The following SLC8A1 variants were observed in gnomAD, a reference collection of about 807,000 sequenced individuals.
SLC8A1 encodes solute carrier family 8 member A1.
SLC8A1 carries 18 observed loss-of-function variants against 68.3 expected under a neutral mutation model. The ratio of observed to expected loss-of-function variants is 0.26; its 90% confidence interval spans 0.18 to 0.39. SLC8A1 has a LOEUF of 0.39. Ranked by LOEUF, SLC8A1 falls within the 10% of genes least tolerant of loss-of-function variation. SLC8A1 has a pLI of 1.00. For synonymous variants in SLC8A1, 475 were observed against 415.5 expected, an observed-to-expected ratio of 1.14 and a Z score of -1.74; for missense variants, 985 against 1,156.7, an observed-to-expected ratio of 0.85 and a Z score of 2.15.
intron 7 of SLC8A1, among the ~76,000 whole-genome samples, chr2:40,128,852 C>G (rs1407747657): frequency 1.3e-4 from 20 of 152,086 alleles, no homozygotes; most frequent in Admixed American, 1.3e-3. Context: ...TTACAGAATC[C>G]ATGGTAAATT....
chr2:40,335,351 A>G (rs1249314444), intron 2 of SLC8A1, among the ~76,000 whole-genome samples: 1 of 152,236 alleles, frequency 6.6e-6, no homozygotes, highest in African/African-American at 2.4e-5. Flanking sequence ...AGAAACATCT[A>G]CCATATATTG....
chr2:40,415,545 T>C (rs978247739), intron 2 of SLC8A1, among the ~76,000 whole-genome samples: 1 of 152,154 alleles, frequency 6.6e-6, no homozygotes, highest in East Asian at 1.9e-4. Flanking sequence ...CCCCTATCTG[T>C]CTCCATTCCA....
intron 2 of SLC8A1, chr2:40,210,053 A>C (rs1318811798): frequency 6.6e-6 from 1 of 152,182 alleles, no homozygotes; most frequent in Non-Finnish European, 1.5e-5. Flanking sequence ...GCTAGTTCTA[A>C]TCTAATCTAA....
chr2:40,420,583 G>A (rs1031152542), intron 2 of SLC8A1, among the ~76,000 whole-genome samples: 9 of 152,286 alleles, frequency 5.9e-5, no homozygotes, highest in Admixed American at 4.6e-4. Flanking sequence ...TCAGCTACAC[G>A]GAGGGACTAA....
At chr2:40,176,031 G>A (rs143485063) in intron 3 of SLC8A1, 18 of 438,620 alleles carry the variant, frequency 4.1e-5, no homozygotes, top group African/African-American at 2.0e-5. Context: ...CATTGGGTTG[G>A]GGGGAGGGGG....
intron 7 of SLC8A1, among the ~76,000 whole-genome samples, chr2:40,127,115 G>T (rs1445662151): frequency 1.3e-5 from 2 of 152,160 alleles, no homozygotes; most frequent in African/African-American, 4.8e-5. Flanking sequence ...CAGAGACTCA[G>T]TTTGGGCTTC....
chr2:40,453,119 G>A (rs898327730), upstream of SLC8A1: 6 of 152,138 alleles, frequency 3.9e-5, no homozygotes, highest in South Asian at 4.1e-4. Context: ...GACCTACTGT[G>A]GAGTTCACTA....
chr2:40,413,344 A>C (rs1311426064), intron 2 of SLC8A1, among the ~76,000 whole-genome samples: 1 of 152,178 alleles, frequency 6.6e-6, no homozygotes, highest in African/African-American at 2.4e-5. Flanking sequence ...AAAGACTTGG[A>C]ACTAACCCAA....
exon 6 of SLC8A1, chr2:40,160,814 C>T (rs780327367): frequency 6.2e-7 from 1 of 1,613,278 alleles, no homozygotes; most frequent in Admixed American, 1.7e-5. Flanking sequence ...AGCTGTTAGT[C>T]CCAACCACAA....
chr2:40,345,404 T>C (rs555434847), intron 2 of SLC8A1, among the ~76,000 whole-genome samples: 9 of 152,232 alleles, frequency 5.9e-5, no homozygotes, highest in Non-Finnish European at 1.2e-4. Flanking sequence ...TTATACCACA[T>C]GTAGGGAAGC....
chr2:40,285,565 G>C (rs1374389556), intron 2 of SLC8A1, among the ~76,000 whole-genome samples: 1 of 152,136 alleles, frequency 6.6e-6, no homozygotes, highest in Non-Finnish European at 1.5e-5. Flanking sequence ...AACAATGGTA[G>C]AGTGGCCCAT....
At chr2:40,494,582 C>T (rs1705549080) in intron 1 of SLC8A1, among the ~76,000 whole-genome samples, 1 of 147,110 alleles carries the variant, frequency 6.8e-6, no homozygotes, top group Non-Finnish European at 1.5e-5. Context: ...TGGTCACACA[C>T]ATATACATAT....
At chr2:40,200,214 ATATATTTTTTT>A (rs1558721936) in intron 2 of SLC8A1, among the ~76,000 whole-genome samples, 920 of 9,670 alleles carry the variant, frequency 0.095, 156 homozygotes, top group African/African-American at 0.25. Context: ...ATAAATATAT[ATATATTTTTTT>A]ATATATATAT....
At chr2:40,429,136 T>C in exon 2 of SLC8A1, 2 of 1,613,190 alleles carry the variant, frequency 1.2e-6, no homozygotes, top group Non-Finnish European at 1.7e-6. Flanking sequence ...GTCAGCTGCA[T>C]GCCTCTTTAA....
intron 5 of SLC8A1, among the ~76,000 whole-genome samples, chr2:40,163,034 G>A (rs912151810): frequency 2.6e-5 from 4 of 152,228 alleles, no homozygotes; most frequent in East Asian, 1.9e-4. Flanking sequence ...TGCCCCTAAC[G>A]TGCCTTGTAG....
intron 2 of SLC8A1, among the ~76,000 whole-genome samples, chr2:40,252,830 A>ATTGGAAT (rs1450289482): frequency 7.3e-6 from 1 of 137,306 alleles, no homozygotes; most frequent in African/African-American, 2.9e-5. Flanking sequence ...ATATGTATAT[A>ATTGGAAT]CATGTGTATA....
At chr2:40,182,535 G>T (rs1205847132) in intron 2 of SLC8A1, among the ~76,000 whole-genome samples, 1 of 152,128 alleles carries the variant, frequency 6.6e-6, no homozygotes, top group Non-Finnish European at 1.5e-5. Flanking sequence ...AATTTATTCA[G>T]TGGAAAAATA....
At chr2:40,278,980 G>A (rs2067145751) in intron 2 of SLC8A1, among the ~76,000 whole-genome samples, 1 of 152,104 alleles carries the variant, frequency 6.6e-6, no homozygotes, top group Admixed American at 6.5e-5. Context: ...CAGAGCCATG[G>A]AATTTTAAAT....
intron 1 of SLC8A1, among the ~76,000 whole-genome samples, chr2:40,462,117 C>A (rs1030519762): frequency 6.7e-6 from 1 of 148,456 alleles, no homozygotes; most frequent in Non-Finnish European, 1.5e-5. Flanking sequence ...AGCAATTCTC[C>A]TGCCTGAGCC....
Sources: allele counts gnomAD v4.1 joint callset (sites outside exome capture counted in the v4.1 genomes callset), GRCh38; gene constraint gnomAD v4.1.1; transcripts MANE v1.5; gene names NCBI Gene and HGNC (gene_info 2026-07-23, HGNC 2026-07-21).